RPS6KC1: variants seen among roughly 807,000 people sequenced by gnomAD.
RPS6KC1 encodes inactive ribosomal protein S6 kinase delta-1.
RPS6KC1 carries 54 observed loss-of-function variants against 103.8 expected under a neutral mutation model. The observed-to-expected ratio is 0.52, with a 90% CI of 0.42 to 0.65. The LOEUF (loss-of-function observed/expected upper bound fraction) is 0.65. RPS6KC1 is among the 30% of genes least tolerant of loss of function. The pLI is 0.00. For synonymous variants in RPS6KC1, 439 were observed against 438.7 expected, an observed-to-expected ratio of 1.00 and a Z score of -0.01; for missense variants, 1,151 against 1,253.8, an observed-to-expected ratio of 0.92 and a Z score of 1.24.
the RPS6KC1 span, among the ~76,000 whole-genome samples, chr1:213,753,641 T>A: frequency 2.6e-5 from 4 of 152,206 alleles, no homozygotes; most frequent in Admixed American, 2.6e-4. Context: ...CAGGACCACC[T>A]GATGCTGCAG....
the RPS6KC1 span, among the ~76,000 whole-genome samples, chr1:213,697,581 C>A: frequency 6.6e-6 from 1 of 152,190 alleles, no homozygotes; most frequent in Admixed American, 6.5e-5. Flanking sequence ...AAGTCAAACA[C>A]CCCAATTTGT....
the RPS6KC1 span, among the ~76,000 whole-genome samples, chr1:213,421,617 C>CCCCT: frequency 2.0e-5 from 3 of 152,244 alleles, no homozygotes; most frequent in Non-Finnish European, 4.4e-5. Flanking sequence ...GAACCCACCA[C>CCCCT]CCCTCAGCCT....
At chr1:213,715,129 G>C in the RPS6KC1 span, among the ~76,000 whole-genome samples, 34 of 152,206 alleles carry the variant, frequency 2.2e-4, no homozygotes, top group Admixed American at 5.2e-4. Flanking sequence ...CTGAGAAAGG[G>C]AAGACAGGCC....
the RPS6KC1 span, among the ~76,000 whole-genome samples, chr1:213,682,807 A>C: frequency 6.6e-6 from 1 of 152,360 alleles, no homozygotes; most frequent in African/African-American, 2.4e-5. Context: ...GCACTATAGC[A>C]TCACCCAGGA....
At chr1:213,234,331 T>C (rs1292443294) in intron 10 of RPS6KC1, among the ~76,000 whole-genome samples, 3 of 151,966 alleles carry the variant, frequency 2.0e-5, no homozygotes, top group Admixed American at 2.0e-4. Context: ...ATTCTTGTTG[T>C]GAAAAGTCAA....
At chr1:213,195,715 G>T (rs965168427) in intron 8 of RPS6KC1, among the ~76,000 whole-genome samples, 7 of 151,914 alleles carry the variant, frequency 4.6e-5, no homozygotes, top group African/African-American at 9.7e-5. Flanking sequence ...ATGATGTTTG[G>T]TTTTCTATTC....
chr1:213,565,219 A>T, the RPS6KC1 span, among the ~76,000 whole-genome samples: 3 of 141,984 alleles, frequency 2.1e-5, no homozygotes, highest in African/African-American at 8.6e-5. Flanking sequence ...TCAGTCTTTT[A>T]TAAATGTACA....
intron 12 of RPS6KC1, among the ~76,000 whole-genome samples, chr1:213,256,519 G>A (rs552811568): frequency 6.7e-6 from 1 of 150,322 alleles, no homozygotes; most frequent in East Asian, 1.9e-4. Context: ...TAACACTAAC[G>A]ATAGCTGATG....
the RPS6KC1 span, among the ~76,000 whole-genome samples, chr1:213,425,463 C>T: frequency 6.6e-6 from 1 of 152,204 alleles, no homozygotes; most frequent in Non-Finnish European, 1.5e-5. Flanking sequence ...TTTAAGGATT[C>T]TGACCCTCGA....
chr1:213,572,088 G>T, the RPS6KC1 span, among the ~76,000 whole-genome samples: 2 of 152,198 alleles, frequency 1.3e-5, no homozygotes, highest in African/African-American at 4.8e-5. Flanking sequence ...GATGCAGAGA[G>T]GCAAGACAAA....
At chr1:213,212,125 G>T (rs565822024) in intron 8 of RPS6KC1, among the ~76,000 whole-genome samples, 70 of 152,142 alleles carry the variant, frequency 4.6e-4, no homozygotes, top group Admixed American at 9.2e-4. Context: ...ATCATTCTTG[G>T]TGTTGTACAT....
the RPS6KC1 span, among the ~76,000 whole-genome samples, chr1:213,343,815 A>T: frequency 6.6e-6 from 1 of 152,154 alleles, no homozygotes; most frequent in African/African-American, 2.4e-5. Flanking sequence ...AAATAAAAAA[A>T]ATAAAAAAGT....
the RPS6KC1 span, among the ~76,000 whole-genome samples, chr1:213,620,499 G>A: frequency 7.9e-5 from 12 of 152,158 alleles, no homozygotes; most frequent in African/African-American, 2.9e-4. Flanking sequence ...TTCTCTTCAA[G>A]GGTAGGCCCA....
chr1:213,184,036 G>A (rs1003644942), intron 8 of RPS6KC1, among the ~76,000 whole-genome samples: 1 of 152,084 alleles, frequency 6.6e-6, no homozygotes, highest in African/African-American at 2.4e-5. Flanking sequence ...TCATAGAAAA[G>A]TACGAATTAC....
the RPS6KC1 span, among the ~76,000 whole-genome samples, chr1:213,304,685 G>A: frequency 6.6e-6 from 1 of 152,148 alleles, no homozygotes; most frequent in African/African-American, 2.4e-5. Flanking sequence ...TGGGATTACA[G>A]CATGTGCCAC....
At chr1:213,804,186 A>C in the RPS6KC1 span, among the ~76,000 whole-genome samples, 24 of 150,002 alleles carry the variant, frequency 1.6e-4, no homozygotes, top group African/African-American at 2.4e-4. Flanking sequence ...AAAAAAAAAA[A>C]AAAAAAAAAA....
At chr1:213,846,458 G>A in the RPS6KC1 span, among the ~76,000 whole-genome samples, 4 of 152,056 alleles carry the variant, frequency 2.6e-5, no homozygotes, top group Non-Finnish European at 5.9e-5. Context: ...AAAATAGAAC[G>A]TTTTAGTTAA....
chr1:213,477,090 C>G, the RPS6KC1 span, among the ~76,000 whole-genome samples: 1 of 152,156 alleles, frequency 6.6e-6, no homozygotes. Flanking sequence ...TTCTGAATGA[C>G]TTAGTGGTGC....
the RPS6KC1 span, among the ~76,000 whole-genome samples, chr1:213,604,031 C>T: frequency 3.3e-3 from 497 of 152,152 alleles, 4 homozygotes; most frequent in African/African-American, 0.012. Flanking sequence ...CTATAAGTGG[C>T]TTTTATTTTT....
Sources: gnomAD v4.1 joint callset for allele counts (sites outside exome capture counted in the v4.1 genomes callset) on GRCh38, gnomAD v4.1.1 for gene constraint, MANE v1.5 for transcripts, NCBI Gene and HGNC (gene_info 2026-07-23, HGNC 2026-07-21) for gene names.